Variants in PDE4D observed in about 807,000 individuals in gnomAD.
The protein encoded by PDE4D is 3',5'-cyclic-AMP phosphodiesterase 4D.
In PDE4D, 24 loss-of-function variants were observed where a neutral mutation model predicts 87.4. The ratio of observed to expected loss-of-function variants is 0.27; its 90% CI spans 0.20 to 0.39. The LOEUF is 0.39. Ranked by LOEUF, PDE4D falls within the 10% of genes least tolerant of loss-of-function variation. The pLI is 1.00. For missense variants in PDE4D, 714 were observed against 1,041.0 expected (o/e 0.69, Z 4.32); for synonymous variants, 384 against 383.2 (o/e 1.00, Z -0.02).
At chr5:59,655,024 A>G (rs530431987) in intron 1 of PDE4D, among the ~76,000 whole-genome samples, 1 of 152,120 alleles carries the variant, frequency 6.6e-6, no homozygotes, top group Non-Finnish European at 1.5e-5. Flanking sequence ...ACATTTGTCT[A>G]TGTATTTTCA....
At chr5:60,219,359 G>T (rs1054358535) in intron 1 of PDE4D, among the ~76,000 whole-genome samples, 3 of 152,060 alleles carry the variant, frequency 2.0e-5, no homozygotes, top group Non-Finnish European at 4.4e-5. Context: ...TTTTATGTTT[G>T]TTTCACTGAC....
chr5:59,892,830 A>G (rs1255112375), intron 1 of PDE4D, among the ~76,000 whole-genome samples: 1 of 151,710 alleles, frequency 6.6e-6, no homozygotes, highest in Non-Finnish European at 1.5e-5. Context: ...CTCACTAGCC[A>G]GGGTGGTATG....
chr5:59,755,844 T>C (rs1761134438), intron 1 of PDE4D, among the ~76,000 whole-genome samples: 1 of 151,046 alleles, frequency 6.6e-6, no homozygotes, highest in Admixed American at 6.6e-5. Flanking sequence ...AATGTGAAAT[T>C]AGCCATGTAT....
chr5:59,721,319 G>A (rs554791930), intron 1 of PDE4D, among the ~76,000 whole-genome samples: 100 of 152,108 alleles, frequency 6.6e-4, no homozygotes, highest in Non-Finnish European at 1.0e-3. Context: ...TGTATTCTTC[G>A]TAATGCCTGA....
intron 1 of PDE4D, among the ~76,000 whole-genome samples, chr5:59,597,703 T>G (rs906957696): frequency 2.0e-5 from 3 of 152,154 alleles, no homozygotes; most frequent in African/African-American, 7.2e-5. Context: ...GTATTTAAAC[T>G]AGAACCCAAT....
At chr5:60,283,150 T>A (rs1752100270) in intron 1 of PDE4D, among the ~76,000 whole-genome samples, 1 of 152,130 alleles carries the variant, frequency 6.6e-6, no homozygotes, top group Admixed American at 6.6e-5. Context: ...TATATTACCA[T>A]GTTTTCTAAT....
At chr5:59,894,183 G>A (rs1751388507), upstream of PDE4D, among the ~76,000 whole-genome samples, 1 of 152,020 alleles carries the variant, frequency 6.6e-6, no homozygotes. Context: ...CCCTCGCCGT[G>A]CCCGCGCCTC....
chr5:60,473,629 GCA>G (rs1748028389), intron 1 of PDE4D, among the ~76,000 whole-genome samples: 1 of 151,820 alleles, frequency 6.6e-6, no homozygotes, highest in East Asian at 1.9e-4. Flanking sequence ...TGCTGCCCTG[GCA>G]CACACAGAGC....
chr5:60,153,868 T>C (rs1023921781), intron 2 of PDE4D, among the ~76,000 whole-genome samples: 1 of 151,880 alleles, frequency 6.6e-6, no homozygotes, highest in African/African-American at 2.4e-5. Context: ...GAGGGGGAAA[T>C]GAGGGATTGC....
chr5:60,065,758 A>G (rs1408881555), intron 2 of PDE4D, among the ~76,000 whole-genome samples: 1 of 152,180 alleles, frequency 6.6e-6, no homozygotes, highest in African/African-American at 2.4e-5. Context: ...TACAAAGGAC[A>G]TGAACTCATC....
intron 2 of PDE4D, among the ~76,000 whole-genome samples, chr5:60,184,417 T>C (rs1170577216): frequency 1.3e-5 from 2 of 152,200 alleles, no homozygotes; most frequent in Admixed American, 1.3e-4. Flanking sequence ...TGACTTTGTA[T>C]GATGATAAAA....
At chr5:60,492,135 A>C (rs1293332791), upstream of PDE4D, among the ~76,000 whole-genome samples, 1 of 152,082 alleles carries the variant, frequency 6.6e-6, no homozygotes, top group African/African-American at 2.4e-5. Context: ...AAAAAAAAAA[A>C]AAAAAGAAAA....
Position 59,039,500 on chromosome 5 carries a change from G to A in PDE4D, c.809-529C>T. The A allele has an allele frequency of 4.1e-6, 4 of 985,566 alleles. No individual in the cohort carries two copies. The South Asian group carries it at 1.4e-4, about 35-fold the overall frequency. 61.1% of individuals were successfully genotyped at this position (985,566 alleles called of 1,614,324 possible). A position where few individuals can be genotyped will look rare whatever the true frequency, so the allele number is the denominator to read the frequency against. On this transcript the variant is annotated intron_variant, in intron 5 of 14. Coordinates refer to ENST00000340635, the MANE Select transcript of PDE4D (RefSeq NM_001104631.2). ...GTGAATGAATCAGCCGCGGCCGGGTGCGCGGCCACCACGTTTCCTGTTTTC... is the reference window on the plus strand; with the variant it reads ...GTGAATGAATCAGCCGCGGCCGGGTACGCGGCCACCACGTTTCCTGTTTTC...
At chr5:60,520,199 C>G (rs1050828495) in intron 1 of PDE4D, among the ~76,000 whole-genome samples, 3 of 152,276 alleles carry the variant, frequency 2.0e-5, no homozygotes, top group Middle Eastern at 6.8e-3. Context: ...GCCAGATACA[C>G]TCTGGTCAAC....
chr5:59,079,460 G>C (rs1766285415), intron 5 of PDE4D, among the ~76,000 whole-genome samples: 1 of 152,008 alleles, frequency 6.6e-6, no homozygotes, highest in Non-Finnish European at 1.5e-5. Context: ...AAACATAACT[G>C]AGTCTTTTCT....
intron 1 of PDE4D, among the ~76,000 whole-genome samples, chr5:60,298,038 T>A (rs1583337737): frequency 6.6e-6 from 1 of 152,188 alleles, no homozygotes; most frequent in African/African-American, 2.4e-5. Flanking sequence ...TACTTTCAGA[T>A]AATCCCTCTA....
intron 1 of PDE4D, among the ~76,000 whole-genome samples, chr5:59,661,110 C>T (rs751475056): frequency 9.5e-5 from 13 of 136,554 alleles, no homozygotes; most frequent in South Asian, 2.2e-4. Context: ...TGTCATCTAG[C>T]TCCTCCAGTG....
chr5:59,390,207 T>A (rs150070089), intron 1 of PDE4D, among the ~76,000 whole-genome samples: 1 of 152,166 alleles, frequency 6.6e-6, no homozygotes, highest in Non-Finnish European at 1.5e-5. Context: ...TTGCAACTTA[T>A]AATAGTTATT....
At chr5:59,356,019 G>T (rs1178019329) in intron 1 of PDE4D, among the ~76,000 whole-genome samples, 1 of 152,110 alleles carries the variant, frequency 6.6e-6, no homozygotes, top group Non-Finnish European at 1.5e-5. Context: ...ATACCTTTCA[G>T]TGCTATAGAT....
Sources: gnomAD v4.1 joint callset for allele counts (sites outside exome capture counted in the v4.1 genomes callset) on GRCh38, gnomAD v4.1.1 for gene constraint, MANE v1.5 for transcripts, NCBI Gene and HGNC (gene_info 2026-07-23, HGNC 2026-07-21) for gene names.